Variants in TRAPPC9 observed in about 807,000 individuals in gnomAD.
TRAPPC9 encodes trafficking protein particle complex subunit 9.
TRAPPC9 carries 83 observed loss-of-function variants against 124.0 expected under a neutral mutation model. That is an observed-to-expected ratio of 0.67 (90% CI 0.56 to 0.80). TRAPPC9 has a LOEUF of 0.80. Among genes scored for constraint, TRAPPC9 ranks in the 30% least tolerant of loss-of-function variants. The probability of loss-of-function intolerance (pLI) is 0.00; values close to 1 mark genes in which losing one functional copy is unlikely to be tolerated. For missense variants in TRAPPC9, 1,302 were observed against 1,508.3 expected, an observed-to-expected ratio of 0.86 and a Z score of 2.27; for synonymous variants, 638 against 617.5, an observed-to-expected ratio of 1.03 and a Z score of -0.49.
At chr8:140,372,339 C>T (rs978621238) in intron 7 of TRAPPC9, among the ~76,000 whole-genome samples, 2 of 152,216 alleles carry the variant, frequency 1.3e-5, no homozygotes, top group African/African-American at 4.8e-5. Context: ...TTAGCTTGAA[C>T]GCCCTTCCAA....
intron 2 of TRAPPC9, among the ~76,000 whole-genome samples, chr8:140,444,690 C>CCCG (rs925834190): frequency 2.4e-4 from 37 of 151,470 alleles, no homozygotes; most frequent in Non-Finnish European, 4.3e-4. Flanking sequence ...GTGAGACCCC[C>CCCG]CCCATCTCTA....
intron 17 of TRAPPC9, among the ~76,000 whole-genome samples, chr8:140,066,381 T>A (rs1373189267): frequency 6.6e-6 from 1 of 152,200 alleles, no homozygotes; most frequent in African/African-American, 2.4e-5. Flanking sequence ...CCGATGGTCA[T>A]CAGATGGCTG....
intron 14 of TRAPPC9, among the ~76,000 whole-genome samples, chr8:140,278,657 G>C (rs1281455716): frequency 1.3e-5 from 2 of 152,184 alleles, no homozygotes; most frequent in Non-Finnish European, 2.9e-5. Flanking sequence ...TGGCCATGGA[G>C]AGGGCCGGAC....
At chr8:140,342,253 T>C (rs1375300221) in intron 9 of TRAPPC9, among the ~76,000 whole-genome samples, 1 of 152,194 alleles carries the variant, frequency 6.6e-6, no homozygotes, top group African/African-American at 2.4e-5. Flanking sequence ...AAGGTCCCTT[T>C]CGATACCACC....
chr8:140,135,045 C>T (rs2061276531), intron 17 of TRAPPC9, among the ~76,000 whole-genome samples: 1 of 151,974 alleles, frequency 6.6e-6, no homozygotes, highest in African/African-American at 2.4e-5. Flanking sequence ...ATAAAAATGG[C>T]CAATAAGCAC....
At chr8:140,367,724 G>A (rs1452272967) in intron 8 of TRAPPC9, among the ~76,000 whole-genome samples, 4 of 152,066 alleles carry the variant, frequency 2.6e-5, no homozygotes, top group South Asian at 2.1e-4. Flanking sequence ...TGTAAACTAC[G>A]AACTTTGGGT....
chr8:140,402,873 A>G (rs767729641), intron 6 of TRAPPC9, among the ~76,000 whole-genome samples: 1 of 152,188 alleles, frequency 6.6e-6, no homozygotes, highest in Non-Finnish European at 1.5e-5. Flanking sequence ...TGAATTCAAT[A>G]CATTGTGGTG....
At chr8:139,909,971 T>A (rs1347255166) in intron 20 of TRAPPC9, among the ~76,000 whole-genome samples, 176 bp downstream of exon 20, 1 of 152,140 alleles carries the variant, frequency 6.6e-6, no homozygotes, top group Non-Finnish European at 1.5e-5. Flanking sequence ...GTGGGGCCTT[T>A]GAAGTGTTAA....
chr8:140,227,757 G>A (rs973035398), intron 16 of TRAPPC9, among the ~76,000 whole-genome samples: 2 of 152,210 alleles, frequency 1.3e-5, no homozygotes, highest in Non-Finnish European at 2.9e-5. Context: ...GGCACCAGGC[G>A]CTCAGTGCAC....
At chr8:139,943,248 G>A (rs929660015) in intron 19 of TRAPPC9, among the ~76,000 whole-genome samples, 3 of 152,132 alleles carry the variant, frequency 2.0e-5, no homozygotes, top group Admixed American at 1.3e-4. Context: ...TGTGTTTTTA[G>A]TAGAGCTGGG....
chr8:139,868,938 G>A (rs1047236107), intron 21 of TRAPPC9, among the ~76,000 whole-genome samples: 3 of 152,206 alleles, frequency 2.0e-5, no homozygotes, highest in African/African-American at 7.2e-5. Context: ...TGGAAGGAAG[G>A]AGTGGTAGGT....
chr8:139,730,235 C>T lies in TRAPPC9; in HGVS notation c.*826G>A, dbSNP rs1817735528. On this transcript the variant is annotated 3_prime_UTR_variant, in exon 23 of 23. Coordinates refer to ENST00000438773, the MANE Select transcript of TRAPPC9 (RefSeq NM_001160372.4). ...GTGAGATCTCTAACTCAGAACCCGT[C>T]CCTTCCTGGGTCCGGCTTCTGCTGG... The T allele has an allele frequency of 6.6e-6, 1 of 152,376 alleles. No homozygotes were observed. Among genetic ancestry groups the T allele is most frequent in the Non-Finnish European group, 1.5e-5 (1 of 68,146 alleles). The allele number at this position is 152,376 out of a possible 1,614,324, so 9.4% of individuals were successfully genotyped here.
At chr8:139,780,892 A>G (rs1821772796) in intron 21 of TRAPPC9, among the ~76,000 whole-genome samples, 1 of 152,146 alleles carries the variant, frequency 6.6e-6, no homozygotes, top group African/African-American at 2.4e-5. Context: ...AAAAAGAGGG[A>G]AAAAAAGGCA....
intron 17 of TRAPPC9, among the ~76,000 whole-genome samples, chr8:140,129,212 T>C (rs1295500420): frequency 1.3e-5 from 2 of 152,062 alleles, no homozygotes; most frequent in Non-Finnish European, 2.9e-5. Context: ...GGCCTGAGGT[T>C]CCTGGGTGAG....
intron 5 of TRAPPC9, among the ~76,000 whole-genome samples, chr8:140,408,859 C>T (rs2069591907): frequency 1.3e-5 from 2 of 149,916 alleles, no homozygotes; most frequent in Non-Finnish European, 3.0e-5. Context: ...GAGTAAACTC[C>T]AAATGGATCT....
chr8:139,748,805 G>T lies in TRAPPC9; in HGVS notation c.3056-16603C>A, dbSNP rs555239411. Reference sequence around the variant, plus strand: ...AGGGCATTTACCTTGGGGGCAGGGGGCCGCCTCCACTAACAGGCTGGCACT... The same window carrying T: ...AGGGCATTTACCTTGGGGGCAGGGGTCCGCCTCCACTAACAGGCTGGCACT... On this transcript the variant is annotated intron_variant, in intron 21 of 22. Coordinates refer to ENST00000438773, the MANE Select transcript of TRAPPC9 (RefSeq NM_001160372.4). Among the ~76,000 whole-genome samples the T allele has an allele frequency of 1.4e-4, 21 of 152,200 alleles. No homozygotes were observed. In the South Asian group the frequency reaches 4.1e-3, roughly 30 times the overall value.
chr8:140,066,710 A>G (rs1477514588), intron 17 of TRAPPC9, among the ~76,000 whole-genome samples: 1 of 152,242 alleles, frequency 6.6e-6, no homozygotes, highest in South Asian at 2.1e-4. Flanking sequence ...CAAAGCCTAT[A>G]TAAGTCCAAT....
At chr8:140,298,741 T>C (rs2065882929) in intron 11 of TRAPPC9, among the ~76,000 whole-genome samples, 1 of 152,204 alleles carries the variant, frequency 6.6e-6, no homozygotes, top group South Asian at 2.1e-4. Context: ...GAACATGAAA[T>C]GTACAGTGAG....
intron 17 of TRAPPC9, chr8:140,094,890 G>A (rs1200191142): frequency 2.0e-5 from 3 of 152,246 alleles, no homozygotes; most frequent in Admixed American, 6.5e-5. Flanking sequence ...AGCACATGAG[G>A]ATGTATATCG....
Sources: gnomAD v4.1 joint callset for allele counts (sites outside exome capture counted in the v4.1 genomes callset) on GRCh38, gnomAD v4.1.1 for gene constraint, MANE v1.5 for transcripts, NCBI Gene and HGNC (gene_info 2026-07-23, HGNC 2026-07-21) for gene names.